Variants in AKAP3 observed in about 807,000 individuals in gnomAD.
The protein encoded by AKAP3 is A-kinase anchoring protein 3.
A neutral mutation model predicts 57.2 loss-of-function variants in AKAP3; 27 were observed. The ratio of observed to expected loss-of-function variants is 0.47; its 90% CI spans 0.35 to 0.65. The LOEUF (loss-of-function observed/expected upper bound fraction) is 0.65. AKAP3 is among the 30% of genes least tolerant of loss of function. AKAP3 has a pLI of 0.01. For synonymous variants in AKAP3, 334 were observed against 392.3 expected (o/e 0.85, Z 1.76); for missense variants, 959 against 1,040.0 (o/e 0.92, Z 1.07).
At chr12:4,637,403 C>A (rs771257173) in intron 4 of AKAP3, among the ~76,000 whole-genome samples, 1 of 152,164 alleles carries the variant, frequency 6.6e-6, no homozygotes, top group African/African-American at 2.4e-5. Flanking sequence ...TGAGGGAGAG[C>A]GAGCTCTTGT....
chr12:4,642,878 T>C (rs1421348607), intron 2 of AKAP3, among the ~76,000 whole-genome samples: 2 of 152,224 alleles, frequency 1.3e-5, no homozygotes, highest in African/African-American at 4.8e-5. Flanking sequence ...CATTTTCAGA[T>C]AGTTCATTTT....
rs1945458227 is a variant in AKAP3 at position 4,628,595 on chromosome 12, G to T, written c.307C>A (p.His103Asn). ...GGGCCCTGGCAAGGAATCTCTTTGTGAGTCATCTCAAAATGCAATCTTTCT... is the reference window on the plus strand; with the variant it reads ...GGGCCCTGGCAAGGAATCTCTTTGTTAGTCATCTCAAAATGCAATCTTTCT... ...TPERLHFEMT[H>N]KEIPCQGPRA... Residue 103 changes from histidine to asparagine, a missense_variant, in exon 5 of 6, where the codon CAC becomes AAC. His to Asn is a moderately conservative substitution (Grantham distance 68). Transcript: ENST00000228850. 6.2e-7 allele frequency: 1 copy of T among 1,614,184 alleles called. No homozygotes were observed.
At chr12:4,644,604 C>A (rs1449624122) in intron 2 of AKAP3, among the ~76,000 whole-genome samples, 1 of 152,166 alleles carries the variant, frequency 6.6e-6, no homozygotes, top group Admixed American at 6.5e-5. Context: ...AGAGGACTCA[C>A]AGGTAAAATT....
In AKAP3 at chr12:4,628,260, G is replaced by A. The variant is rs756494563; in HGVS notation, c.642C>T (p.Tyr214=). 7.4e-6 allele frequency: 12 copies of A among 1,614,082 alleles called. No individual in the cohort carries two copies. In the Admixed American group the frequency reaches 2.0e-4, roughly 27 times the overall value. Residue 214 remains tyrosine, a synonymous_variant, in exon 5 of 6, where the codon TAC becomes TAT. Transcript: ENST00000228850. ...GSSQSPPNLK[Y]KSTLKIKEST... ...TCTCCTTGATCTTCAAAGTGGACTT[G>A]TATTTCAAATTTGGGGGACTTTGTG...
At chr12:4,640,035 C>A (rs1289899258) in intron 3 of AKAP3, among the ~76,000 whole-genome samples, 2 of 152,128 alleles carry the variant, frequency 1.3e-5, no homozygotes, top group African/African-American at 4.8e-5. Flanking sequence ...CCAGGATGGT[C>A]TTGATCTCCT....
chr12:4,638,160 C>A lies in AKAP3; in HGVS notation c.37G>T (p.Gly13Ter), dbSNP rs570803135. The change falls in exon 4 of 6, where the codon GGA (glycine) becomes TGA (stop). Residue 13 changes from glycine to a stop codon, truncating the protein, a stop_gained. Coordinates refer to ENST00000228850, the MANE Select transcript of AKAP3 (RefSeq NM_001278309.2). LOFTEE classifies it high-confidence loss of function. ...EKVDWLQSQN[G>*]VCKVDVYSPG... The stretch of plus-strand genomic sequence containing the variant: ...GAATAGACATCAACTTTGCATACTC[C>A]ATTTTGGCTTTGTAACCAGTCAACC... 6.2e-7 allele frequency: 1 copy of A among 1,612,996 alleles called. No individual in the cohort carries two copies. Among genetic ancestry groups the A allele is most frequent in the South Asian group, 1.1e-5 (1 of 90,662 alleles).
chr12:4,628,691 T>A lies in AKAP3; in HGVS notation c.211A>T (p.Thr71Ser). The change falls in exon 5 of 6, where the codon ACG becomes TCG. Residue 71 changes from threonine to serine, a missense_variant. Coordinates refer to ENST00000228850, the MANE Select transcript of AKAP3 (RefSeq NM_001278309.2). ...FKPGESFGGE[T>S]SNSGDPHKGF... ...TTGTGTGGGTCTCCTGAGTTGGACG[T>A]TTCCCCACCAAATGATTCTCCGGGT... 6.2e-7 allele frequency: 1 copy of A among 1,614,098 alleles called. No homozygotes were observed. The highest frequency in any genetic ancestry group is 1.7e-5 in the Admixed American group (1 of 60,024).
intron 4 of AKAP3, among the ~76,000 whole-genome samples, chr12:4,633,206 T>C (rs1809471248): frequency 6.6e-6 from 1 of 151,672 alleles, no homozygotes; most frequent in Non-Finnish European, 1.5e-5. Context: ...CAGATCTCAC[T>C]TGAGCTCAGG....
At chr12:4,621,288 AG>A (rs1945344642) in intron 5 of AKAP3, among the ~76,000 whole-genome samples, 1 of 152,198 alleles carries the variant, frequency 6.6e-6, no homozygotes, top group South Asian at 2.1e-4. Context: ...TATTGAAGAA[AG>A]AAAAATATTT....
intron 3 of AKAP3, among the ~76,000 whole-genome samples, chr12:4,640,041 C>A (rs1945618544): frequency 6.6e-6 from 1 of 152,076 alleles, no homozygotes; most frequent in African/African-American, 2.4e-5. Context: ...TGGTCTTGAT[C>A]TCCTGACCTC....
intron 5 of AKAP3, 22 bp downstream of exon 5, chr12:4,626,474 T>C (rs371767768): frequency 6.2e-7 from 1 of 1,600,208 alleles, no homozygotes; most frequent in Non-Finnish European, 8.5e-7. Flanking sequence ...AGCTTCCAAA[T>C]TCCTCTGCCT....
At chr12:4,624,870 CAT>C (rs1344655877) in intron 5 of AKAP3, among the ~76,000 whole-genome samples, 3 of 66,554 alleles carry the variant, frequency 4.5e-5, no homozygotes, top group Non-Finnish European at 1.1e-4. Flanking sequence ...ATTTTAGATA[CAT>C]GTTTCAATTT....
In AKAP3 at chr12:4,615,864, T is replaced by C. The variant is rs749543702; in HGVS notation, c.2437A>G (p.Lys813Glu). The change falls in exon 6 of 6, where the codon AAA becomes GAA. Residue 813 changes from lysine to glutamate, a missense_variant. Lys to Glu is a moderately conservative substitution (Grantham distance 56). Coordinates refer to ENST00000228850, the MANE Select transcript of AKAP3 (RefSeq NM_001278309.2). ...LLQLSAAAVDKGCSVGEVLQS... is the reference protein window; with the variant it reads ...LLQLSAAAVDEGCSVGEVLQS... Reference sequence around the variant, plus strand: ...AGAACCTCGCCCACACTGCATCCTTTGTCCACAGCAGCAGCTGAGAGCTGA... The same window carrying C: ...AGAACCTCGCCCACACTGCATCCTTCGTCCACAGCAGCAGCTGAGAGCTGA... 3 of 1,614,204 alleles carry C rather than the reference T, an allele frequency of 1.9e-6. No homozygotes were observed. The highest frequency in any genetic ancestry group is 2.5e-6 in the Non-Finnish European group (3 of 1,180,024).
intron 4 of AKAP3, chr12:4,631,487 T>C: frequency 1.7e-6 from 1 of 592,718 alleles, no homozygotes; most frequent in Non-Finnish European, 3.0e-6. Flanking sequence ...TATGTGTCTG[T>C]AATTCAAAAA....
At chr12:4,630,749 T>C (rs746473961) in intron 4 of AKAP3, among the ~76,000 whole-genome samples, 6 of 152,222 alleles carry the variant, frequency 3.9e-5, no homozygotes, top group Non-Finnish European at 7.3e-5. Context: ...ATATAATTCT[T>C]GTCTAGACAC....
intron 4 of AKAP3, among the ~76,000 whole-genome samples, chr12:4,631,103 G>C (rs984387102): frequency 6.6e-6 from 1 of 151,994 alleles, no homozygotes; most frequent in Admixed American, 6.6e-5. Flanking sequence ...GCAGACATTC[G>C]GTTTTTCTAG....
chr12:4,616,512 T>C (rs912293224), intron 5 of AKAP3, among the ~76,000 whole-genome samples: 13 of 152,266 alleles, frequency 8.5e-5, no homozygotes, highest in Non-Finnish European at 1.8e-4. Context: ...ATTTTTATTT[T>C]GTTCATTTTG....
rs1384686967 is a variant in AKAP3, at chr12:4,627,128, T to A, written c.1774A>T (p.Ser592Cys). 10 of 1,613,992 alleles carry A rather than the reference T, an allele frequency of 6.2e-6. No homozygotes were observed. Among genetic ancestry groups the A allele is most frequent in the Non-Finnish European group, 8.5e-6 (10 of 1,180,038 alleles). ...TTCCGGATGAAATTAAAGAAAACAC[T>A]CCTTAGGTCCTTCTTTTCTGCTTGT... ...QEQAEKKDLR[S>C]VFFNFIRNLL... The change falls in exon 5 of 6, where the codon AGT becomes TGT. Residue 592 changes from serine (S) to cysteine (C), a missense_variant. By Grantham distance (112) the Ser-to-Cys change is moderately radical. Coordinates refer to ENST00000228850, the MANE Select transcript of AKAP3 (RefSeq NM_001278309.2).
chr12:4,624,316 C>CGT (rs71061197), intron 5 of AKAP3, among the ~76,000 whole-genome samples: 607 of 43,016 alleles, frequency 0.014, 6 homozygotes, highest in African/African-American at 0.036. Flanking sequence ...TGTGACTTTA[C>CGT]GTGTGTGTGT....
Sources: allele counts gnomAD v4.1 joint callset (sites outside exome capture counted in the v4.1 genomes callset), GRCh38; gene constraint gnomAD v4.1.1; transcripts MANE v1.5; gene names NCBI Gene and HGNC (gene_info 2026-07-23, HGNC 2026-07-21).